The following FBXO22 variants were observed in gnomAD, a reference collection of about 807,000 sequenced individuals.
The protein encoded by FBXO22 is F-box protein 22, also known as F-box only protein 22.
FBXO22 carries 13 observed loss-of-function variants against 37.2 expected under a neutral mutation model. The ratio of observed to expected loss-of-function variants is 0.35; its 90% confidence interval spans 0.23 to 0.56. The LOEUF is 0.56. Among genes scored for constraint, FBXO22 ranks in the 20% least tolerant of loss-of-function variants. The pLI, the probability that FBXO22 is intolerant of heterozygous loss-of-function variation, is 0.87. For missense variants in FBXO22, 446 were observed against 509.9 expected, an observed-to-expected ratio of 0.87 and a Z score of 1.21; for synonymous variants, 189 against 189.1, an observed-to-expected ratio of 1.00 and a Z score of 0.00.
Position 75,913,193 on chromosome 15 carries a change from T to TTTTTTTTTTA in FBXO22, c.280-9_280-8insTTTTTTTTAT. The TTTTTTTTTTA allele has an allele frequency of 6.2e-7, 1 of 1,600,442 alleles. No individual in the cohort carries two copies. The highest frequency in any genetic ancestry group is 8.5e-7 in the Non-Finnish European group (1 of 1,175,634). ...GGGATCCAATTCCAATTTTTTTTTT[T>TTTTTTTTTTA]TCTTTGCAGAATGTTCGCATCTTAC... is the stretch of plus-strand genomic sequence containing the variant. On this transcript the variant is annotated splice_polypyrimidine_tract_variant and intron_variant, in intron 2 of 6. Transcript: ENST00000308275.
intron 2 of FBXO22, chr15:75,905,460 C>T (rs1012126719): frequency 1.3e-5 from 2 of 152,268 alleles, no homozygotes; most frequent in African/African-American, 4.8e-5. Flanking sequence ...AGTAAAGTGC[C>T]AACCTGCTGC....
rs2030186937 is a variant in FBXO22, at chr15:75,934,367, C to CTGTT, written c.*1267_*1270dup. On this transcript the variant is annotated 3_prime_UTR_variant, in exon 7 of 7. Coordinates refer to ENST00000308275, the MANE Select transcript of FBXO22 (RefSeq NM_147188.3). ...GTGGCGTGGACTATCTACCTCCAGA[C>CTGTT]TGTTTTACAAGAGAGAAATTAGCAT... The CTGTT allele has an allele frequency of 1.3e-5, 2 of 152,178 alleles. No individual in the cohort carries two copies. The highest frequency in any genetic ancestry group is 2.9e-5 in the Non-Finnish European group (2 of 68,048). 9.4% of individuals were successfully genotyped at this position (152,178 alleles called of 1,614,324 possible).
rs2030094546 is a variant in FBXO22, at chr15:75,932,781, T to C, written c.891T>C (p.Ser297=). ...CTGTGCTCCTCAACGAGGACGTCAG[T>C]GATGAGAAGACTGCTGAGGCTGCGA... is the stretch of plus-strand genomic sequence containing the variant. ...SATVLLNEDV[S]DEKTAEAAMQ... Residue 297 remains serine (S), a synonymous_variant, in exon 7 of 7, where the codon AGT becomes AGC. Coordinates refer to ENST00000308275, the MANE Select transcript of FBXO22 (RefSeq NM_147188.3). 6.2e-7 allele frequency: 1 copy of C among 1,614,190 alleles called. No homozygotes were observed. The highest frequency in any genetic ancestry group is 8.5e-7 in the Non-Finnish European group (1 of 1,180,032).
intron 6 of FBXO22, among the ~76,000 whole-genome samples, chr15:75,931,671 C>T (rs1414676685): frequency 6.6e-6 from 1 of 152,144 alleles, no homozygotes; most frequent in Non-Finnish European, 1.5e-5. Context: ...TGATACAATA[C>T]TTGTTTATCC....
In FBXO22 at chr15:75,938,688, T is replaced by G. The variant is rs955093798; in HGVS notation, c.*5586T>G. 6.6e-6 allele frequency: 1 copy of G among 152,162 alleles called. No homozygotes were observed. Among genetic ancestry groups the G allele is most frequent in the African/African-American group, 2.4e-5 (1 of 41,442 alleles). 9.4% of individuals were successfully genotyped at this position (152,162 alleles called of 1,614,324 possible). A position where few individuals can be genotyped will look rare whatever the true frequency, so the allele number is the denominator to read the frequency against. On this transcript the variant is annotated 3_prime_UTR_variant, in exon 7 of 7. Transcript: ENST00000308275. The stretch of plus-strand genomic sequence containing the variant: ...AGGTAGAAGAAAGAATCAGCAAACT[T>G]GAGATGGGATCACTGAAAGCAGAAA...
intron 4 of FBXO22, among the ~76,000 whole-genome samples, chr15:75,916,910 C>G (rs1296626220): frequency 2.0e-5 from 3 of 152,036 alleles, no homozygotes; most frequent in African/African-American, 7.2e-5. Context: ...ACCCCCCCAA[C>G]TTTTTAATTT....
intron 2 of FBXO22, among the ~76,000 whole-genome samples, chr15:75,909,604 C>T (rs939051562): frequency 6.6e-6 from 1 of 151,958 alleles, no homozygotes; most frequent in Admixed American, 6.6e-5. Context: ...CTTCAGTTAT[C>T]ATTATGAAAA....
intron 2 of FBXO22, among the ~76,000 whole-genome samples, chr15:75,909,238 G>C (rs1193802292): frequency 6.6e-6 from 1 of 152,204 alleles, no homozygotes; most frequent in Non-Finnish European, 1.5e-5. Context: ...GGTAAGGGAT[G>C]TTGCATCTGA....
intron 6 of FBXO22, 93 bp from the exon 7 acceptor site, chr15:75,932,592 G>A: frequency 8.1e-7 from 1 of 1,241,602 alleles, no homozygotes; most frequent in Non-Finnish European, 1.1e-6. Flanking sequence ...GCTAAAGGCA[G>A]CAGCCTCCCG....
intron 2 of FBXO22, among the ~76,000 whole-genome samples, chr15:75,907,097 C>G (rs903247913): frequency 1.3e-5 from 2 of 152,022 alleles, no homozygotes. Context: ...CAAATTTTTA[C>G]CACAGCAGGC....
chr15:75,904,348 C>T (rs1216016213), intron 1 of FBXO22, 143 bp from the exon 2 acceptor site: 24 of 1,276,072 alleles, frequency 1.9e-5, no homozygotes, highest in South Asian at 6.5e-5. Context: ...CGAACTAGCG[C>T]CCTGACTGAC....
Position 75,919,641 on chromosome 15 carries a change from C to T in FBXO22, c.628+2247C>T, listed in dbSNP as rs76721113. Among the ~76,000 whole-genome samples, 1,490 of 152,314 alleles carry T rather than the reference C, an allele frequency of 9.8e-3. 30 individuals are homozygous for T. The highest frequency in any genetic ancestry group is 0.034 in the African/African-American group (1,397 of 41,550). Reference sequence around the variant, plus strand: ...TAAATGAAATGACTTTCATAAAACGCTTAGCAACAGTAGATTGTAGCTAGA... The same window carrying T: ...TAAATGAAATGACTTTCATAAAACGTTTAGCAACAGTAGATTGTAGCTAGA... On this transcript the variant is annotated intron_variant, in intron 5 of 6. Coordinates refer to ENST00000308275, the MANE Select transcript of FBXO22 (RefSeq NM_147188.3).
chr15:75,941,990 A>T lies in FBXO22; in HGVS notation c.*8888A>T, dbSNP rs190650850. ...GGCCTAGCTTTTTTTTTTTTTTTTA[A>T]AAAGGGCAGGGGGTGGGGTATTTAG... On this transcript the variant is annotated 3_prime_UTR_variant, in exon 7 of 7. Coordinates refer to ENST00000308275, the MANE Select transcript of FBXO22 (RefSeq NM_147188.3). The T allele has an allele frequency of 2.1e-5, 3 of 143,492 alleles. No homozygotes were observed. The highest frequency in any genetic ancestry group is 7.7e-5 in the African/African-American group (3 of 38,828). The allele number at this position is 143,492 out of a possible 1,614,324, so 8.9% of individuals were successfully genotyped here.
At chr15:75,931,672 T>A (rs2030022647) in intron 6 of FBXO22, among the ~76,000 whole-genome samples, 1 of 152,220 alleles carries the variant, frequency 6.6e-6, no homozygotes, top group Non-Finnish European at 1.5e-5. Flanking sequence ...GATACAATAC[T>A]TGTTTATCCC....
Position 75,933,207 on chromosome 15 carries a change from C to CT in FBXO22, c.*111dup, listed in dbSNP as rs1226012975. ...CAAACAAAAATAACTTTAGATATAT[C>CT]TTTTTTGTAGCTTTGATTGATGCTC... On this transcript the variant is annotated 3_prime_UTR_variant, in exon 7 of 7. Coordinates refer to ENST00000308275, the MANE Select transcript of FBXO22 (RefSeq NM_147188.3). 2.0e-5 allele frequency: 19 copies of CT among 936,944 alleles called. No homozygotes were observed. Among genetic ancestry groups the CT allele is most frequent in the African/African-American group, 2.0e-4 (12 of 60,046 alleles). The allele number at this position is 936,944 out of a possible 1,614,324, so 58.0% of individuals were successfully genotyped here.
chr15:75,926,233 C>T (rs568952696), intron 5 of FBXO22, among the ~76,000 whole-genome samples: 1 of 152,238 alleles, frequency 6.6e-6, no homozygotes, highest in South Asian at 2.1e-4. Flanking sequence ...CCTTGATGAT[C>T]CTTTACCTAT....
At chr15:75,910,923 C>T (rs1396171630) in intron 2 of FBXO22, among the ~76,000 whole-genome samples, 1 of 152,148 alleles carries the variant, frequency 6.6e-6, no homozygotes, top group East Asian at 1.9e-4. Context: ...TTTAATCCAT[C>T]TTGAGTTAAT....
At chr15:75,923,233 A>G (rs1042314105) in intron 5 of FBXO22, among the ~76,000 whole-genome samples, 1 of 152,138 alleles carries the variant, frequency 6.6e-6, no homozygotes, top group Non-Finnish European at 1.5e-5. Context: ...TAAAATTGCT[A>G]TATTTGTTAG....
intron 4 of FBXO22, among the ~76,000 whole-genome samples, chr15:75,915,066 C>G (rs1900151674): frequency 6.6e-6 from 1 of 152,212 alleles, no homozygotes; most frequent in African/African-American, 2.4e-5. Flanking sequence ...CTCCTGGATT[C>G]AAGCAATTCT....
Sources: allele counts gnomAD v4.1 joint callset (sites outside exome capture counted in the v4.1 genomes callset), GRCh38; gene constraint gnomAD v4.1.1; transcripts MANE v1.5; gene names NCBI Gene and HGNC (gene_info 2026-07-23, HGNC 2026-07-21).